The following OPCML variants were observed in gnomAD, a reference collection of about 807,000 sequenced individuals.
OPCML encodes the protein opioid binding protein/cell adhesion molecule like.
OPCML carries 13 observed loss-of-function variants against 37.8 expected under a neutral mutation model. That is an observed-to-expected ratio of 0.34 (90% CI 0.22 to 0.55). OPCML has a LOEUF of 0.55. Ranked by LOEUF, OPCML falls within the 20% of genes least tolerant of loss-of-function variation. The pLI, the probability that OPCML is intolerant of heterozygous loss-of-function variation, is 0.91. For missense variants in OPCML, 341 were observed against 435.6 expected (o/e 0.78, Z 1.93); for synonymous variants, 176 against 168.8 (o/e 1.04, Z -0.33).
chr11:133,304,804 C>T (rs142408812), intron 1 of OPCML, among the ~76,000 whole-genome samples: 1 of 152,232 alleles, frequency 6.6e-6, no homozygotes, highest in East Asian at 1.9e-4. Flanking sequence ...ACCACGTAAC[C>T]CCTTCCTTTT....
At chr11:133,507,932 G>A (rs572291561) in intron 1 of OPCML, among the ~76,000 whole-genome samples, 2 of 147,176 alleles carry the variant, frequency 1.4e-5, no homozygotes, top group African/African-American at 2.6e-5. Flanking sequence ...GGGTGACAGA[G>A]TGAAAGTATG....
intron 1 of OPCML, among the ~76,000 whole-genome samples, chr11:133,100,265 C>T (rs1429021644): frequency 2.0e-5 from 3 of 152,112 alleles, no homozygotes; most frequent in Non-Finnish European, 1.5e-5. Flanking sequence ...CAAGCCCCAG[C>T]AACATGCAAT....
intron 3 of OPCML, among the ~76,000 whole-genome samples, chr11:132,540,138 G>A (rs982579067): frequency 6.6e-6 from 1 of 152,188 alleles, no homozygotes; most frequent in African/African-American, 2.4e-5. Context: ...AGTAATAGGA[G>A]AGAGATGAGC....
chr11:132,457,412 G>T (rs2096086291), intron 4 of OPCML, among the ~76,000 whole-genome samples: 1 of 152,170 alleles, frequency 6.6e-6, no homozygotes, highest in African/African-American at 2.4e-5. Flanking sequence ...CAAACACATA[G>T]AATTCATGAT....
intron 2 of OPCML, among the ~76,000 whole-genome samples, chr11:132,891,413 C>A (rs1412035567): frequency 6.6e-6 from 1 of 151,960 alleles, no homozygotes; most frequent in African/African-American, 2.4e-5. Context: ...AAAATACTTA[C>A]CAATATTTAA....
At chr11:133,426,510 A>G (rs1317747218) in intron 1 of OPCML, among the ~76,000 whole-genome samples, 2 of 152,180 alleles carry the variant, frequency 1.3e-5, no homozygotes, top group Non-Finnish European at 2.9e-5. Context: ...AGACGCACTC[A>G]TGATAAACCA....
chr11:133,203,587 G>A (rs1938895755), intron 1 of OPCML, among the ~76,000 whole-genome samples: 1 of 152,264 alleles, frequency 6.6e-6, no homozygotes, highest in South Asian at 2.1e-4. Flanking sequence ...AGAACTAGAA[G>A]ATAAATTACT....
At chr11:132,637,779 A>T (rs1160437587) in intron 3 of OPCML, among the ~76,000 whole-genome samples, 1 of 152,194 alleles carries the variant, frequency 6.6e-6, no homozygotes, top group Non-Finnish European at 1.5e-5. Flanking sequence ...GACATTGTCC[A>T]TATGGAACTT....
At chr11:133,281,235 C>T (rs1266935993) in intron 1 of OPCML, among the ~76,000 whole-genome samples, 1 of 152,124 alleles carries the variant, frequency 6.6e-6, no homozygotes, top group East Asian at 1.9e-4. Context: ...GAAATATGAT[C>T]CCCAATGTTG....
At chr11:132,804,424 A>G (rs955897471) in intron 2 of OPCML, among the ~76,000 whole-genome samples, 1 of 152,200 alleles carries the variant, frequency 6.6e-6, no homozygotes, top group African/African-American at 2.4e-5. Flanking sequence ...AGGCCCCTGC[A>G]AGTCTGTGGC....
chr11:132,823,588 A>C (rs893413097), intron 2 of OPCML, among the ~76,000 whole-genome samples: 4 of 151,992 alleles, frequency 2.6e-5, no homozygotes, highest in Non-Finnish European at 5.9e-5. Flanking sequence ...ACTTATAAAT[A>C]AAACAAACAA....
At chr11:132,647,728 C>T (rs1941227548) in intron 3 of OPCML, among the ~76,000 whole-genome samples, 1 of 151,994 alleles carries the variant, frequency 6.6e-6, no homozygotes, top group South Asian at 2.1e-4. Flanking sequence ...TCAGGAGTGG[C>T]AGGGATGGAA....
At chr11:132,486,770 C>G (rs895362473) in intron 4 of OPCML, among the ~76,000 whole-genome samples, 1 of 151,702 alleles carries the variant, frequency 6.6e-6, no homozygotes, top group East Asian at 2.0e-4. Flanking sequence ...TGGTATAAAA[C>G]GGATGGCTAG....
chr11:132,923,061 G>A (rs1032074026), intron 2 of OPCML, among the ~76,000 whole-genome samples: 3 of 148,344 alleles, frequency 2.0e-5, no homozygotes, highest in Non-Finnish European at 4.4e-5. Flanking sequence ...GTGACAGAGT[G>A]AGACTCCGTC....
chr11:133,154,185 T>C (rs1453358181), intron 1 of OPCML, among the ~76,000 whole-genome samples: 3 of 150,862 alleles, frequency 2.0e-5, no homozygotes, highest in Non-Finnish European at 4.4e-5. Context: ...CCTGCTGTCA[T>C]TCCCATCCGC....
At chr11:133,399,446 G>A in intron 1 of OPCML, among the ~76,000 whole-genome samples, 1 of 152,132 alleles carries the variant, frequency 6.6e-6, no homozygotes, top group Admixed American at 6.6e-5. Flanking sequence ...TCTACAGCAA[G>A]CTCTTGATGA....
intron 1 of OPCML, among the ~76,000 whole-genome samples, chr11:133,204,477 C>T (rs984822561): frequency 6.6e-6 from 1 of 152,226 alleles, no homozygotes; most frequent in African/African-American, 2.4e-5. Context: ...GAATATAAGG[C>T]TACCAAGGAG....
At chr11:133,115,792 C>T (rs561078210) in intron 1 of OPCML, among the ~76,000 whole-genome samples, 3 of 151,986 alleles carry the variant, frequency 2.0e-5, no homozygotes, top group Non-Finnish European at 4.4e-5. Context: ...GAATGTTACC[C>T]AGATTCACTA....
At chr11:132,446,103 CTTTTTTTTTTTT>C (rs58784534) in intron 4 of OPCML, among the ~76,000 whole-genome samples, 11 of 48,504 alleles carry the variant, frequency 2.3e-4, no homozygotes, top group African/African-American at 7.2e-4. Context: ...CTGCTTGTGT[CTTTTTTTTTTTT>C]TTTTTTTTTT....
Sources: gnomAD v4.1 joint callset for allele counts (sites outside exome capture counted in the v4.1 genomes callset) on GRCh38, gnomAD v4.1.1 for gene constraint, MANE v1.5 for transcripts, NCBI Gene and HGNC (gene_info 2026-07-23, HGNC 2026-07-21) for gene names.